SPAG9: variants seen among roughly 807,000 people sequenced by gnomAD.
SPAG9 encodes the protein sperm associated antigen 9.
Under a neutral mutation model 166.5 loss-of-function variants are expected in SPAG9, and 35 were observed. The ratio of observed to expected loss-of-function variants is 0.21; its 90% confidence interval spans 0.16 to 0.28. The LOEUF (loss-of-function observed/expected upper bound fraction) is 0.28. Ranked by LOEUF, SPAG9 falls within the 10% of genes least tolerant of loss-of-function variation. SPAG9 has a pLI of 1.00. For synonymous variants in SPAG9, 534 were observed against 565.5 expected, an observed-to-expected ratio of 0.94 and a Z score of 0.79; for missense variants, 1,235 against 1,603.3, an observed-to-expected ratio of 0.77 and a Z score of 3.92.
intron 13 of SPAG9, 61 bp from the exon 14 acceptor site, chr17:50,999,778 G>T: frequency 7.0e-7 from 1 of 1,437,494 alleles, no homozygotes; most frequent in Non-Finnish European, 9.7e-7. Flanking sequence ...CTTTCTTTCT[G>T]AAGAACAAGA....
chr17:51,077,065 GCTAGCTAT>G (rs1436849967), intron 2 of SPAG9, among the ~76,000 whole-genome samples: 5 of 114,270 alleles, frequency 4.4e-5, no homozygotes, highest in Non-Finnish European at 7.9e-5. Context: ...TAGCTATCTA[GCTAGCTAT>G]CTAGCTATCT....
intron 6 of SPAG9, among the ~76,000 whole-genome samples, chr17:51,024,585 C>T (rs1250735094): frequency 6.6e-6 from 1 of 151,796 alleles, no homozygotes; most frequent in African/African-American, 2.4e-5. Flanking sequence ...TGGCGGCACA[C>T]GTCTGTAATC....
intron 6 of SPAG9, among the ~76,000 whole-genome samples, chr17:51,026,017 T>A (rs758059442): frequency 6.6e-6 from 1 of 152,184 alleles, no homozygotes; most frequent in Admixed American, 6.5e-5. Context: ...ATTGAGTTCA[T>A]CTATATGAGA....
intron 3 of SPAG9, among the ~76,000 whole-genome samples, chr17:51,049,461 A>G (rs944277890): frequency 2.6e-5 from 4 of 152,148 alleles, no homozygotes; most frequent in African/African-American, 9.7e-5. Context: ...GGACTGCTTG[A>G]GCCCAGGAGT....
rs80155198 is a variant in SPAG9 at position 51,045,139 on chromosome 17, G to A, written c.590+2236C>T. Among the ~76,000 whole-genome samples, 1,354 of 152,202 alleles carry A rather than the reference G, an allele frequency of 8.9e-3. 17 individuals carry two copies. Among genetic ancestry groups the A allele is most frequent in the African/African-American group, 0.031 (1,306 of 41,508 alleles). ...TTAAGCAACTTGCCAAAGCTCCTACGGCCACGTGCAATAGAGCATTTGCAC... is the reference window on the plus strand; with the variant it reads ...TTAAGCAACTTGCCAAAGCTCCTACAGCCACGTGCAATAGAGCATTTGCAC... On this transcript the variant is annotated intron_variant, in intron 4 of 29. Transcript: ENST00000262013.
intron 6 of SPAG9, among the ~76,000 whole-genome samples, chr17:51,028,384 A>T (rs2046269645): frequency 6.6e-6 from 1 of 152,204 alleles, no homozygotes; most frequent in African/African-American, 2.4e-5. Context: ...CACCAAGAGC[A>T]TTTGCAGTCC....
At chr17:51,113,888 C>T (rs759595055) in intron 1 of SPAG9, among the ~76,000 whole-genome samples, 1 of 150,338 alleles carries the variant, frequency 6.7e-6, no homozygotes, top group Non-Finnish European at 1.5e-5. Context: ...CCAGCTATTC[C>T]GGAAGTTGAG....
At chr17:51,056,264 C>A (rs985681141) in intron 3 of SPAG9, 148 bp downstream of exon 3, 4 of 638,296 alleles carry the variant, frequency 6.3e-6, no homozygotes, top group Non-Finnish European at 8.3e-6. Flanking sequence ...GTAAATGCCA[C>A]ATGAAATTTA....
intron 1 of SPAG9, among the ~76,000 whole-genome samples, chr17:51,102,538 G>C (rs183153329): frequency 9.4e-4 from 142 of 150,940 alleles, no homozygotes; most frequent in Non-Finnish European, 1.7e-3. Flanking sequence ...GTCTCGCTCT[G>C]TCACCCAAGG....
chr17:51,061,612 C>CA (rs34010166), intron 2 of SPAG9, among the ~76,000 whole-genome samples: 8,922 of 30,702 alleles, frequency 0.29, 1,052 homozygotes, highest in South Asian at 0.31. Context: ...GCTCTGTCTC[C>CA]AAAAAAAAAA....
In SPAG9 at chr17:51,045,578, A is replaced by G. The variant is rs1226390930; in HGVS notation, c.590+1797T>C. 2.0e-5 allele frequency among the ~76,000 whole-genome samples: 3 copies of G among 152,216 alleles called. No individual in the cohort carries two copies. The East Asian group carries it at 5.8e-4, about 29-fold the overall frequency. On this transcript the variant is annotated intron_variant, in intron 4 of 29. Coordinates refer to ENST00000262013, the MANE Select transcript of SPAG9 (RefSeq NM_001130528.3). ...TTCTTCTTAATTTATCTAAATCTAC[A>G]ATTAGGGTTTAAATATTTTATAAAC...
intron 13 of SPAG9, 39 bp downstream of exon 13, chr17:51,001,676 A>G: frequency 1.9e-6 from 3 of 1,585,564 alleles, no homozygotes; most frequent in Non-Finnish European, 2.6e-6. Context: ...AACCTACAAA[A>G]TAATAGTAGG....
In SPAG9 at chr17:51,120,590, G is replaced by A. The variant is rs1033664830; in HGVS notation, c.67C>T (p.Arg23Trp). Residue 23 changes from arginine to tryptophan, a missense_variant, in exon 1 of 30, where the codon CGG becomes TGG. By Grantham distance (101) the Arg-to-Trp change is moderately radical (BLOSUM62 -3). This residue lies in a region of SPAG9 where 83 missense variants were observed against 149.8 expected (regional missense o/e 0.55). Coordinates refer to ENST00000262013, the MANE Select transcript of SPAG9 (RefSeq NM_001130528.3). This position sits in a 1 kb window ranked among gnomAD's most constrained non-coding sequence, Gnocchi z 4.7. ...PGGSGAVMSE[R>W]VSGLAGSIYR... ...ATGGAGCCGGCCAGGCCGGACACCC[G>A]CTCCGACATCACGGCCCCGGAGCCG... 17 of 1,613,028 alleles carry A rather than the reference G, an allele frequency of 1.1e-5. No individual in the cohort carries two copies. The highest frequency in any genetic ancestry group is 1.4e-5 in the Non-Finnish European group (17 of 1,179,648).
At chr17:50,997,827 C>T (rs543684844) in intron 15 of SPAG9, among the ~76,000 whole-genome samples, 4 of 152,066 alleles carry the variant, frequency 2.6e-5, no homozygotes, top group African/African-American at 9.6e-5. Flanking sequence ...AATGTTCAAA[C>T]ATTTAGGATA....
At chr17:50,975,765 T>G in intron 27 of SPAG9, 1 of 934,854 alleles carries the variant, frequency 1.1e-6, no homozygotes. Context: ...TGGATAACAT[T>G]TAGGAACATT....
chr17:51,079,441 G>GA (rs1225157454), intron 2 of SPAG9, 143 bp downstream of exon 2: 3 of 638,444 alleles, frequency 4.7e-6, no homozygotes, highest in Admixed American at 5.8e-5. Flanking sequence ...GTTTCACCAT[G>GA]TTGACCAGGC....
intron 4 of SPAG9, among the ~76,000 whole-genome samples, chr17:51,045,209 G>A (rs1275001988): frequency 2.6e-5 from 4 of 152,078 alleles, no homozygotes; most frequent in Admixed American, 6.5e-5. Flanking sequence ...ACTTGCAGGC[G>A]CCGCACAGCA....
At chr17:51,095,253 G>A (rs2048578397) in intron 1 of SPAG9, among the ~76,000 whole-genome samples, 3 of 142,074 alleles carry the variant, frequency 2.1e-5, no homozygotes, top group Non-Finnish European at 3.0e-5. Context: ...CCGAGAACTC[G>A]CCACTGCACT....
intron 1 of SPAG9, among the ~76,000 whole-genome samples, chr17:51,115,382 G>A (rs2049255834): frequency 6.6e-6 from 1 of 151,480 alleles, no homozygotes; most frequent in African/African-American, 2.4e-5. Flanking sequence ...TGGGGAAGAG[G>A]GGTCTCACTA....
Sources: gnomAD v4.1 joint callset for allele counts (sites outside exome capture counted in the v4.1 genomes callset) on GRCh38, gnomAD v4.1.1 for gene constraint, gnomAD v4.1.1 regional missense constraint, Gnocchi (gnomAD v3.1) non-coding constraint, MANE v1.5 for transcripts, NCBI Gene and HGNC (gene_info 2026-07-23, HGNC 2026-07-21) for gene names.